The following EDC3 variants were observed in gnomAD, a reference collection of about 807,000 sequenced individuals.
EDC3 encodes the protein enhancer of mRNA-decapping protein 3.
In EDC3, 20 loss-of-function variants were observed where a neutral mutation model predicts 41.8. The observed-to-expected ratio is 0.48, with a 90% CI of 0.34 to 0.70. The LOEUF (loss-of-function observed/expected upper bound fraction) is 0.70. EDC3 is among the 30% of genes least tolerant of loss of function. The pLI is 0.01. For synonymous variants in EDC3, 206 were observed against 243.2 expected (o/e 0.85, Z 1.42); for missense variants, 444 against 636.8 (o/e 0.70, Z 3.26).
At chr15:74,652,890 C>T (rs573552612) in intron 4 of EDC3, among the ~76,000 whole-genome samples, 46 of 152,152 alleles carry the variant, frequency 3.0e-4, no homozygotes, top group Middle Eastern at 3.4e-3. Flanking sequence ...AATGGAAAAC[C>T]CTTTACCAGC....
At chr15:74,685,899 A>G (rs2062931556) in intron 1 of EDC3, among the ~76,000 whole-genome samples, 2 of 152,228 alleles carry the variant, frequency 1.3e-5, no homozygotes, top group African/African-American at 4.8e-5. Flanking sequence ...CTCTGGTAAA[A>G]GAGTATGTCC....
intron 1 of EDC3, among the ~76,000 whole-genome samples, chr15:74,676,027 A>G (rs182098127): frequency 1.3e-5 from 2 of 152,340 alleles, no homozygotes; most frequent in African/African-American, 4.8e-5. Flanking sequence ...GAATAAATTT[A>G]AAAAGACTGA....
intron 1 of EDC3, among the ~76,000 whole-genome samples, chr15:74,685,173 T>C (rs537191459): frequency 1.4e-4 from 22 of 152,204 alleles, no homozygotes; most frequent in African/African-American, 5.3e-4. Flanking sequence ...GGTGGGCAGA[T>C]GGCTTGAGTC....
chr15:74,669,884 C>T (rs2062719968), intron 3 of EDC3, among the ~76,000 whole-genome samples: 1 of 152,098 alleles, frequency 6.6e-6, no homozygotes, highest in Non-Finnish European at 1.5e-5. Flanking sequence ...CACACTGTCA[C>T]CCAGGCTGAA....
At chr15:74,675,532 CTGA>C (rs1806089076) in intron 1 of EDC3, among the ~76,000 whole-genome samples, 1 of 148,792 alleles carries the variant, frequency 6.7e-6, no homozygotes, top group Admixed American at 6.7e-5. Context: ...GCCACTCTTG[CTGA>C]TGATGATAAT....
chr15:74,656,442 A>ACACAC, intron 3 of EDC3, among the ~76,000 whole-genome samples: 1 of 96,388 alleles, frequency 1.0e-5, no homozygotes, highest in South Asian at 3.4e-4. Context: ...CACACACACA[A>ACACAC]ACAACAACAA....
Position 74,681,174 on chromosome 15 carries a change from G to C in EDC3, c.-18-6032C>G, listed in dbSNP as rs537922388. Among the ~76,000 whole-genome samples the C allele has an allele frequency of 1.2e-3, 178 of 152,202 alleles. No individual in the cohort carries two copies. The Middle Eastern group carries it at 0.017, about 15-fold the overall frequency. On this transcript the variant is annotated intron_variant, in intron 1 of 6. Transcript: ENST00000315127. ...ATAGCTAAATCAATATTTTTTTTGA[G>C]ACGGAGACTCACTTTGTCGCCCAGG... is the stretch of plus-strand genomic sequence containing the variant.
At chr15:74,647,847 C>T (rs542831686) in intron 4 of EDC3, among the ~76,000 whole-genome samples, 29 of 152,328 alleles carry the variant, frequency 1.9e-4, no homozygotes, top group African/African-American at 6.5e-4. Flanking sequence ...TGTGACACTT[C>T]GCAGAGGAGC....
chr15:74,644,589 A>G (rs1023437495), intron 4 of EDC3: 2 of 151,858 alleles, frequency 1.3e-5, no homozygotes, highest in Non-Finnish European at 2.9e-5. Flanking sequence ...CCACCATGGC[A>G]CGTGTGTATA....
In EDC3 at chr15:74,692,424, T is replaced by C. The variant is rs191266114; in HGVS notation, c.-19+3456A>G. On this transcript the variant is annotated intron_variant, in intron 1 of 6. Transcript: ENST00000315127. ...CCCATAGGACTTCACTGGTAAATTC[T>C]ATGAAACACGTAAGAAATAATACCA... 2.6e-5 allele frequency among the ~76,000 whole-genome samples: 4 copies of C among 152,336 alleles called. No homozygotes were observed. In the East Asian group the frequency reaches 5.8e-4, roughly 22 times the overall value.
intron 1 of EDC3, among the ~76,000 whole-genome samples, chr15:74,686,140 C>T (rs2062934674): frequency 6.6e-6 from 1 of 151,848 alleles, no homozygotes; most frequent in Admixed American, 6.6e-5. Context: ...GCCTGACCAA[C>T]AAGGTGAAAC....
At chr15:74,647,372 A>G (rs1443750518) in intron 4 of EDC3, among the ~76,000 whole-genome samples, 1 of 152,154 alleles carries the variant, frequency 6.6e-6, no homozygotes, top group East Asian at 1.9e-4. Context: ...CATATTAGCA[A>G]AGCAGTCACA....
chr15:74,677,725 C>G (rs1247599876), intron 1 of EDC3, among the ~76,000 whole-genome samples: 1 of 152,116 alleles, frequency 6.6e-6, no homozygotes, highest in Non-Finnish European at 1.5e-5. Context: ...CCATCTGATC[C>G]AGCAATCACT....
At chr15:74,691,170 C>T (rs1284025605) in intron 1 of EDC3, among the ~76,000 whole-genome samples, 1 of 151,482 alleles carries the variant, frequency 6.6e-6, no homozygotes, top group Non-Finnish European at 1.5e-5. Flanking sequence ...TGAAATCAGA[C>T]ATCACAGCCC....
chr15:74,636,805 A>G (rs1596300023), intron 5 of EDC3: 2 of 152,220 alleles, frequency 1.3e-5, no homozygotes, highest in African/African-American at 4.8e-5. Context: ...AGGAAATATG[A>G]TGAGAATTGC....
chr15:74,639,728 AAAAG>A (rs2141580893), intron 5 of EDC3: 1 of 152,078 alleles, frequency 6.6e-6, no homozygotes, highest in East Asian at 1.9e-4. Context: ...AAAAAAAAAA[AAAAG>A]AATGCCTTCT....
At position 74,631,363 on chromosome 15, in the gene EDC3, C is replaced by T. The variant is rs1596295044; in HGVS notation, c.*1249G>A. 1 of 152,346 alleles carries T rather than the reference C, an allele frequency of 6.6e-6. No individual in the cohort carries two copies. The highest frequency in any genetic ancestry group is 1.9e-4 in the East Asian group (1 of 5,180). The allele number at this position is 152,346 out of a possible 1,614,324, so 9.4% of individuals were successfully genotyped here. A position where few individuals can be genotyped will look rare whatever the true frequency, so the allele number is the denominator to read the frequency against. On this transcript the variant is annotated 3_prime_UTR_variant, in exon 7 of 7. Transcript: ENST00000315127. ...TTGACAGGAATCCCTGCCAGGATTC[C>T]AGGCATAGATCCTGTTCTACCAGCC... is the stretch of plus-strand genomic sequence containing the variant.
At chr15:74,689,133 C>T (rs1362435786) in intron 1 of EDC3, among the ~76,000 whole-genome samples, 3 of 152,140 alleles carry the variant, frequency 2.0e-5, no homozygotes, top group Non-Finnish European at 4.4e-5. Context: ...ACATCCATTT[C>T]TACTGGGCAT....
Position 74,671,243 on chromosome 15 carries a change from A to C in EDC3, c.484+212T>G, listed in dbSNP as rs1458889283. On this transcript the variant is annotated intron_variant, in intron 3 of 6. Transcript: ENST00000315127. This position sits in a 1 kb window ranked among gnomAD's most constrained non-coding sequence, Gnocchi z 4.6. ...AAGGAAGTGGTAAGAGAGGGCAGGAAGCTCACAGGCATCCCTAACAGCTTA... is the reference window on the plus strand; with the variant it reads ...AAGGAAGTGGTAAGAGAGGGCAGGACGCTCACAGGCATCCCTAACAGCTTA... Among the ~76,000 whole-genome samples the C allele has an allele frequency of 6.6e-6, 1 of 152,204 alleles. No individual in the cohort carries two copies. Among genetic ancestry groups the C allele is most frequent in the African/African-American group, 2.4e-5 (1 of 41,458 alleles).
Sources: gnomAD v4.1 joint callset for allele counts (sites outside exome capture counted in the v4.1 genomes callset) on GRCh38, gnomAD v4.1.1 for gene constraint, Gnocchi (gnomAD v3.1) non-coding constraint, MANE v1.5 for transcripts, NCBI Gene and HGNC (gene_info 2026-07-23, HGNC 2026-07-21) for gene names.